The following NKAIN2 variants were observed in gnomAD, a reference collection of about 807,000 sequenced individuals.
NKAIN2 encodes the protein sodium/potassium-transporting ATPase subunit beta-1-interacting protein 2.
NKAIN2 carries 14 observed loss-of-function variants against 32.6 expected under a neutral mutation model. That is an observed-to-expected ratio of 0.43 (90% CI 0.28 to 0.67). The LOEUF (loss-of-function observed/expected upper bound fraction) is 0.67, where lower values mean the gene tolerates loss of function less well. Ranked by LOEUF, NKAIN2 falls within the 30% of genes least tolerant of loss-of-function variation. The probability of loss-of-function intolerance (pLI) is 0.17; values close to 1 mark genes in which losing one functional copy is unlikely to be tolerated. For missense variants in NKAIN2, 198 were observed against 258.3 expected, an observed-to-expected ratio of 0.77 and a Z score of 1.60; for synonymous variants, 80 against 87.2, an observed-to-expected ratio of 0.92 and a Z score of 0.46.
At position 123,995,264 on chromosome 6, in the gene NKAIN2, C is replaced by T. The variant is rs1779569035; in HGVS notation, c.54+191010C>T. Among the ~76,000 whole-genome samples the T allele has an allele frequency of 1.3e-5, 2 of 152,064 alleles. 1 individual carries two copies. The highest frequency in any genetic ancestry group is 1.3e-4 in the Admixed American group (2 of 15,252). On this transcript the variant is annotated intron_variant, in intron 1 of 6. Coordinates refer to ENST00000368417, the MANE Select transcript of NKAIN2 (RefSeq NM_001040214.3). ...GGATGAGGACGAGCCTTGTTGGTGACAAAAGGTGACAAGGCAGTTCTAGGA... is the reference window on the plus strand; with the variant it reads ...GGATGAGGACGAGCCTTGTTGGTGATAAAAGGTGACAAGGCAGTTCTAGGA...
In NKAIN2 at chr6:123,872,112, AT is replaced by A. The variant is rs569337052; in HGVS notation, c.54+67865del. Among the ~76,000 whole-genome samples, 388 of 152,182 alleles carry A rather than the reference AT, an allele frequency of 2.5e-3. 3 individuals carry two copies. The highest frequency in any genetic ancestry group is 8.9e-3 in the African/African-American group (370 of 41,518). On this transcript the variant is annotated intron_variant, in intron 1 of 6. Coordinates refer to ENST00000368417, the MANE Select transcript of NKAIN2 (RefSeq NM_001040214.3). ...ATTACAATTATGTTTATTATTATTA[AT>A]TTTTTTCATATTTTATTTTGCTTCT... is the stretch of plus-strand genomic sequence containing the variant.
chr6:124,105,946 A>T (rs1453392521), intron 1 of NKAIN2, among the ~76,000 whole-genome samples: 1 of 152,190 alleles, frequency 6.6e-6, no homozygotes, highest in African/African-American at 2.4e-5. Flanking sequence ...TTTTTAAATC[A>T]CTATTTTATA....
intron 2 of NKAIN2, among the ~76,000 whole-genome samples, chr6:124,309,422 A>G (rs1796631660): frequency 6.6e-6 from 1 of 152,132 alleles, no homozygotes; most frequent in South Asian, 2.1e-4. Context: ...AATCAAGTTG[A>G]TATTCTCATG....
chr6:124,354,817 T>G (rs1232755056), intron 2 of NKAIN2, among the ~76,000 whole-genome samples: 1 of 147,328 alleles, frequency 6.8e-6, no homozygotes, highest in Non-Finnish European at 1.5e-5. Flanking sequence ...AGGTTTGAGC[T>G]GTAATCCTAT....
At chr6:124,416,195 G>A (rs1397229499) in intron 3 of NKAIN2, among the ~76,000 whole-genome samples, 1 of 152,094 alleles carries the variant, frequency 6.6e-6, no homozygotes, top group Non-Finnish European at 1.5e-5. Context: ...GGCCAGCATG[G>A]CATTGAGTAG....
chr6:124,720,108 A>T (rs1424699953), intron 4 of NKAIN2, among the ~76,000 whole-genome samples: 1 of 152,210 alleles, frequency 6.6e-6, no homozygotes, highest in Non-Finnish European at 1.5e-5. Flanking sequence ...GAAAGGAATA[A>T]AATGGCATAA....
chr6:124,163,627 G>T (rs113197345), intron 1 of NKAIN2, among the ~76,000 whole-genome samples: 7 of 151,854 alleles, frequency 4.6e-5, no homozygotes, highest in African/African-American at 9.7e-5. Flanking sequence ...TTACTTAATC[G>T]CATAGAGCTG....
intron 2 of NKAIN2, 115 bp from the exon 3 acceptor site, chr6:124,355,152 T>C: frequency 3.0e-6 from 2 of 662,924 alleles, no homozygotes; most frequent in Non-Finnish European, 5.4e-6. Flanking sequence ...AGAGAAGCAA[T>C]ATTTAACCTT....
intron 1 of NKAIN2, among the ~76,000 whole-genome samples, chr6:124,281,896 A>G (rs1160211855): frequency 1.3e-5 from 2 of 152,236 alleles, no homozygotes; most frequent in Non-Finnish European, 2.9e-5. Flanking sequence ...TTAGGAACTT[A>G]GGGATTTTAA....
At chr6:124,342,982 TC>T (rs1300723071) in intron 2 of NKAIN2, among the ~76,000 whole-genome samples, 3 of 84,138 alleles carry the variant, frequency 3.6e-5, no homozygotes, top group African/African-American at 1.4e-4. Context: ...CCCTTCCCCC[TC>T]CCCCCACCCC....
At chr6:124,419,447 G>C (rs1774646907) in intron 3 of NKAIN2, among the ~76,000 whole-genome samples, 1 of 152,062 alleles carries the variant, frequency 6.6e-6, no homozygotes, top group Non-Finnish European at 1.5e-5. Context: ...TAGTTTGGTG[G>C]GATTCATAAC....
At chr6:123,949,395 A>G (rs1202893083) in intron 1 of NKAIN2, among the ~76,000 whole-genome samples, 1 of 151,980 alleles carries the variant, frequency 6.6e-6, no homozygotes, top group African/African-American at 2.4e-5. Flanking sequence ...TTTGGGCAGG[A>G]TGGTCATTTT....
chr6:124,248,376 G>T (rs955026075), intron 1 of NKAIN2, among the ~76,000 whole-genome samples: 3 of 151,894 alleles, frequency 2.0e-5, no homozygotes, highest in Non-Finnish European at 2.9e-5. Context: ...TGGTTAATTA[G>T]TATCCCTGTG....
Position 124,113,277 on chromosome 6 carries a change from C to G in NKAIN2, c.55-169728C>G, listed in dbSNP as rs114282215. Among the ~76,000 whole-genome samples the G allele has an allele frequency of 4.4e-3, 663 of 152,184 alleles. 2 individuals carry two copies. Among genetic ancestry groups the G allele is most frequent in the African/African-American group, 0.015 (615 of 41,520 alleles). ...CTGTGATAAACTGAAGCTATGGTGT[C>G]TATAACCCACTGTTTCTATTTTTCC... is the stretch of plus-strand genomic sequence containing the variant. On this transcript the variant is annotated intron_variant, in intron 1 of 6. Transcript: ENST00000368417.
At chr6:124,609,782 C>A (rs1240017857) in intron 3 of NKAIN2, among the ~76,000 whole-genome samples, 1 of 151,970 alleles carries the variant, frequency 6.6e-6, no homozygotes, top group African/African-American at 2.4e-5. Context: ...CAAAAGGTAC[C>A]GTAAATAGAC....
chr6:124,727,103 G>A (rs992171083), intron 4 of NKAIN2, among the ~76,000 whole-genome samples: 1 of 152,126 alleles, frequency 6.6e-6, no homozygotes, highest in East Asian at 1.9e-4. Context: ...AAAGTGAAGT[G>A]GAGAATGGAA....
At chr6:123,963,878 C>T (rs1188301489) in intron 1 of NKAIN2, among the ~76,000 whole-genome samples, 3 of 152,032 alleles carry the variant, frequency 2.0e-5, no homozygotes, top group Admixed American at 6.6e-5. Context: ...TATGTGTGGT[C>T]GCTACAATTT....
chr6:124,566,782 A>T (rs1780931296), intron 3 of NKAIN2, among the ~76,000 whole-genome samples: 1 of 152,162 alleles, frequency 6.6e-6, no homozygotes, highest in Admixed American at 6.6e-5. Flanking sequence ...TGAGTACTAA[A>T]AAAACCTTAA....
intron 3 of NKAIN2, among the ~76,000 whole-genome samples, chr6:124,607,042 T>C (rs1782528987): frequency 6.6e-6 from 1 of 152,128 alleles, no homozygotes; most frequent in Non-Finnish European, 1.5e-5. Context: ...ATAGTTTAGT[T>C]TGTTGGACAT....
Sources: gnomAD v4.1 joint callset for allele counts (sites outside exome capture counted in the v4.1 genomes callset) on GRCh38, gnomAD v4.1.1 for gene constraint, MANE v1.5 for transcripts, NCBI Gene and HGNC (gene_info 2026-07-23, HGNC 2026-07-21) for gene names.